Variants in SDHAF4 observed in about 807,000 individuals in gnomAD.
The protein encoded by SDHAF4 is succinate dehydrogenase assembly factor 4, mitochondrial.
Under a neutral mutation model 14.3 loss-of-function variants are expected in SDHAF4, and 14 were observed. The observed-to-expected ratio is 0.98, with a 90% CI of 0.65 to 1.53. SDHAF4 has a LOEUF of 1.53. Ranked by LOEUF, SDHAF4 falls within the 40% of genes most tolerant of loss-of-function variation. The probability of loss-of-function intolerance (pLI) is 0.00; values close to 1 mark genes in which losing one functional copy is unlikely to be tolerated. For synonymous variants in SDHAF4, 63 were observed against 47.3 expected (o/e 1.33, Z -1.36); for missense variants, 141 against 129.3 (o/e 1.09, Z -0.44).
At chr6:70,591,334 A>ATTT (rs76350573), downstream of SDHAF4, among the ~76,000 whole-genome samples, 93 of 101,272 alleles carry the variant, frequency 9.2e-4, 9 homozygotes, top group African/African-American at 2.4e-3. Flanking sequence ...GAGAGGAAAG[A>ATTT]TTTTTTTTTT....
chr6:70,592,864 T>C (rs1418985962), downstream of SDHAF4, among the ~76,000 whole-genome samples: 5 of 152,112 alleles, frequency 3.3e-5, no homozygotes, highest in African/African-American at 1.2e-4. Flanking sequence ...GCTAAAGAGA[T>C]TAATATGGCT....
At chr6:70,587,587 G>A (rs1384664070) in intron 2 of SDHAF4, among the ~76,000 whole-genome samples, 1 of 152,186 alleles carries the variant, frequency 6.6e-6, no homozygotes, top group Non-Finnish European at 1.5e-5. Context: ...TGTATGGGCT[G>A]AGAACAAGAC....
chr6:70,567,150 C>A (rs112387727), intron 1 of SDHAF4, 146 bp downstream of exon 1: 1 of 802,082 alleles, frequency 1.2e-6, no homozygotes, highest in Admixed American at 2.7e-5. Context: ...CCCAGCCGCC[C>A]ACCCGGTGGC....
chr6:70,568,316 A>C (rs538525683), intron 1 of SDHAF4, among the ~76,000 whole-genome samples: 1 of 152,292 alleles, frequency 6.6e-6, no homozygotes, highest in Non-Finnish European at 1.5e-5. Context: ...CGTAGCACAC[A>C]TGTAAGCTAT....
At chr6:70,595,221 C>T in the SDHAF4 span, among the ~76,000 whole-genome samples, 4 of 152,148 alleles carry the variant, frequency 2.6e-5, no homozygotes, top group Admixed American at 6.5e-5. Flanking sequence ...GTTGGGCCTT[C>T]AGCTCCCAGG....
chr6:70,576,203 A>G (rs1303636887), intron 1 of SDHAF4, among the ~76,000 whole-genome samples: 1 of 152,234 alleles, frequency 6.6e-6, no homozygotes, highest in African/African-American at 2.4e-5. Flanking sequence ...ACAGTGTCCC[A>G]TCTTACCTTG....
downstream of SDHAF4, among the ~76,000 whole-genome samples, chr6:70,594,137 A>T (rs1765282183): frequency 6.6e-6 from 1 of 152,288 alleles, no homozygotes; most frequent in Middle Eastern, 3.4e-3. Flanking sequence ...GAAGTAGATA[A>T]ATTGTTTTCG....
chr6:70,567,149 C>G (rs980189165), intron 1 of SDHAF4, 145 bp downstream of exon 1: 3 of 812,234 alleles, frequency 3.7e-6, no homozygotes, highest in Admixed American at 2.7e-5. Context: ...GCCCAGCCGC[C>G]CACCCGGTGG....
intron 1 of SDHAF4, among the ~76,000 whole-genome samples, chr6:70,573,868 G>T (rs922434328): frequency 2.0e-5 from 3 of 151,618 alleles, no homozygotes; most frequent in Non-Finnish European, 4.4e-5. Context: ...TAGAGATGGG[G>T]TTCCACCTTA....
intron 1 of SDHAF4, among the ~76,000 whole-genome samples, chr6:70,572,469 A>G (rs77054685): frequency 0.2 from 31,063 of 152,046 alleles, 3,395 homozygotes; most frequent in African/African-American, 0.28. Context: ...GAGTTAAGGC[A>G]TATATTAGCT....
chr6:70,576,411 C>T (rs1352884913), intron 1 of SDHAF4, among the ~76,000 whole-genome samples: 1 of 152,224 alleles, frequency 6.6e-6, no homozygotes, highest in Admixed American at 6.5e-5. Flanking sequence ...GGACCAGTTT[C>T]TCCAACTTAC....
At chr6:70,575,699 G>A (rs1418237941) in intron 1 of SDHAF4, among the ~76,000 whole-genome samples, 1 of 147,284 alleles carries the variant, frequency 6.8e-6, no homozygotes, top group African/African-American at 2.6e-5. Flanking sequence ...GTTGTGTGTT[G>A]TTTTTGTATA....
At chr6:70,567,598 TA>T (rs1284181322) in intron 1 of SDHAF4, 1 of 152,248 alleles carries the variant, frequency 6.6e-6, no homozygotes, top group Non-Finnish European at 1.5e-5. Flanking sequence ...CCAACATTTT[TA>T]AACCCATTGT....
intron 1 of SDHAF4, among the ~76,000 whole-genome samples, chr6:70,572,058 C>CTTTTTTTTTTTTT (rs66688860): frequency 3.6e-4 from 19 of 53,512 alleles, no homozygotes; most frequent in East Asian, 6.1e-4. Flanking sequence ...CTTTTTTTGT[C>CTTTTTTTTTTTTT]TTTTTTTTTT....
At chr6:70,580,189 C>T (rs1440861980) in intron 2 of SDHAF4, among the ~76,000 whole-genome samples, 3 of 151,950 alleles carry the variant, frequency 2.0e-5, no homozygotes, top group Admixed American at 6.6e-5. Context: ...AGAAGGTATA[C>T]AAATGTACAA....
chr6:70,569,809 C>G (rs1235104066), intron 1 of SDHAF4, among the ~76,000 whole-genome samples: 1 of 152,026 alleles, frequency 6.6e-6, no homozygotes, highest in East Asian at 1.9e-4. Flanking sequence ...GTCTAAGAAA[C>G]CCTTCTGTAC....
intron 1 of SDHAF4, among the ~76,000 whole-genome samples, chr6:70,568,983 T>TTTTTTTTTTTTTTTTTTTTGG (rs398001917): frequency 8.0e-6 from 1 of 124,926 alleles, no homozygotes; most frequent in African/African-American, 3.0e-5. Context: ...TTTTTTTTTT[T>TTTTTTTTTTTTTTTTTTTTGG]GAGGCGGAGT....
At chr6:70,596,767 G>A in the SDHAF4 span, 1 of 152,120 alleles carries the variant, frequency 6.6e-6, no homozygotes, top group Non-Finnish European at 1.5e-5. Flanking sequence ...CAGTTGCTGA[G>A]ATCTACAATG....
At chr6:70,585,666 C>T (rs764791434) in intron 2 of SDHAF4, among the ~76,000 whole-genome samples, 4 of 152,150 alleles carry the variant, frequency 2.6e-5, no homozygotes, top group South Asian at 4.1e-4. Context: ...CAAGGGAATT[C>T]GTGGAGTAGG....
Sources: gnomAD v4.1 joint callset for allele counts (sites outside exome capture counted in the v4.1 genomes callset) on GRCh38, gnomAD v4.1.1 for gene constraint, MANE v1.5 for transcripts, NCBI Gene and HGNC (gene_info 2026-07-23, HGNC 2026-07-21) for gene names.